The following GPR137C variants were observed in gnomAD, a reference collection of about 807,000 sequenced individuals.
GPR137C encodes G protein-coupled receptor 137C, also known as integral membrane protein GPR137C.
Under a neutral mutation model 43.4 loss-of-function variants are expected in GPR137C, and 27 were observed. The ratio of observed to expected loss-of-function variants is 0.62; its 90% CI spans 0.46 to 0.86. GPR137C has a LOEUF of 0.86. GPR137C is among the 40% of genes least tolerant of loss of function. The pLI is 0.00. For missense variants in GPR137C, 522 were observed against 534.6 expected, an observed-to-expected ratio of 0.98 and a Z score of 0.23; for synonymous variants, 285 against 226.9, an observed-to-expected ratio of 1.26 and a Z score of -2.30.
chr14:52,601,855 A>G (rs1485151938), intron 3 of GPR137C, among the ~76,000 whole-genome samples: 1 of 151,952 alleles, frequency 6.6e-6, no homozygotes, highest in Non-Finnish European at 1.5e-5. Flanking sequence ...CTCGCTTTGA[A>G]ATAGATAATA....
At chr14:52,590,050 G>T (rs2038762220) in intron 1 of GPR137C, among the ~76,000 whole-genome samples, 1 of 152,046 alleles carries the variant, frequency 6.6e-6, no homozygotes. Flanking sequence ...CCAGAAGAAG[G>T]CACTGTTATC....
At position 52,600,330 on chromosome 14, in the gene GPR137C, C is replaced by T; in HGVS notation, c.706C>T (p.Leu236Phe). Residue 236 changes from leucine (L) to phenylalanine (F), a missense_variant, in exon 3 of 7, where the codon CTC (leucine) becomes TTC (phenylalanine). Physicochemically the swap from Leu to Phe is conservative, Grantham distance 22 (BLOSUM62 0). Transcript: ENST00000321662. ...ITKMSSANVY[L>F]ESKGMSLCQT... ...AAAAATGTCATCAGCTAATGTCTAC[C>T]TCGAATCAAAGGTAAGAATATTTCT... 1.9e-6 allele frequency: 3 copies of T among 1,571,234 alleles called. No homozygotes were observed. The highest frequency in any genetic ancestry group is 2.6e-6 in the Non-Finnish European group (3 of 1,144,508).
At position 52,594,674 on chromosome 14, in the gene GPR137C, A is replaced by G. The variant is rs1012388284; in HGVS notation, c.445-3598A>G. On this transcript the variant is annotated intron_variant, in intron 1 of 6. Coordinates refer to ENST00000321662, the MANE Select transcript of GPR137C (RefSeq NM_001099652.2). ...TTTTTGCTTTCCATTTGCTTGGTAG[A>G]TCTTCCTCCATCCCTTTTTTTTGAG... Among the ~76,000 whole-genome samples, 3 of 152,078 alleles carry G rather than the reference A, an allele frequency of 2.0e-5. No homozygotes were observed. In the South Asian group the frequency reaches 6.2e-4, roughly 32 times the overall value.
At chr14:52,577,799 C>CAAAAAAA (rs564080315) in intron 1 of GPR137C, among the ~76,000 whole-genome samples, 1 of 104,216 alleles carries the variant, frequency 9.6e-6, no homozygotes. Flanking sequence ...ACCATCTCTA[C>CAAAAAAA]AAAAAAAAAA....
chr14:52,598,179 A>G, intron 1 of GPR137C, 93 bp from the exon 2 acceptor site: 1 of 488,190 alleles, frequency 2.0e-6, no homozygotes. Context: ...TATGTTATTT[A>G]TAGTGGTAGC....
chr14:52,571,770 T>G (rs1215583450), intron 1 of GPR137C, among the ~76,000 whole-genome samples: 2 of 151,478 alleles, frequency 1.3e-5, no homozygotes, highest in African/African-American at 4.9e-5. Flanking sequence ...CTGAAGGAGA[T>G]AGAGATACGA....
intron 3 of GPR137C, chr14:52,612,668 TCTC>T (rs1318005623): frequency 4.5e-6 from 1 of 224,700 alleles, no homozygotes; most frequent in Non-Finnish European, 7.4e-6. Flanking sequence ...CTTATGTAAT[TCTC>T]CTACCTCAGC....
intron 1 of GPR137C, among the ~76,000 whole-genome samples, chr14:52,577,934 C>A (rs2038587731): frequency 6.6e-6 from 1 of 152,044 alleles, no homozygotes; most frequent in Non-Finnish European, 1.5e-5. Context: ...CACTGCGTTC[C>A]AGCCTGGGTA....
intron 3 of GPR137C, among the ~76,000 whole-genome samples, chr14:52,623,726 G>A (rs751531071): frequency 2.7e-4 from 41 of 151,718 alleles, no homozygotes; most frequent in Admixed American, 1.4e-3. Context: ...TTCATTTGAC[G>A]TAGATTCCTC....
chr14:52,600,366 C>T (rs2038909754), intron 3 of GPR137C, 25 bp downstream of exon 3: 1 of 1,277,212 alleles, frequency 7.8e-7, no homozygotes, highest in East Asian at 2.4e-5. Flanking sequence ...TAAATTGGCA[C>T]TTGAAAATCT....
At chr14:52,583,880 T>C (rs1309324227) in intron 1 of GPR137C, among the ~76,000 whole-genome samples, 1 of 152,200 alleles carries the variant, frequency 6.6e-6, no homozygotes, top group Non-Finnish European at 1.5e-5. Context: ...TTCATTTCTA[T>C]TTGAGCCACC....
intron 1 of GPR137C, among the ~76,000 whole-genome samples, chr14:52,588,107 A>G (rs1182424884): frequency 6.6e-6 from 1 of 152,210 alleles, no homozygotes; most frequent in African/African-American, 2.4e-5. Flanking sequence ...GTGGAAAAGC[A>G]CTATAAATAC....
chr14:52,558,820 A>G (rs2038234788), intron 1 of GPR137C, among the ~76,000 whole-genome samples: 1 of 152,210 alleles, frequency 6.6e-6, no homozygotes, highest in African/African-American at 2.4e-5. Context: ...ACAGTTAAAA[A>G]GAAATAAGTG....
chr14:52,567,213 G>T (rs936113894), intron 1 of GPR137C, among the ~76,000 whole-genome samples: 1 of 152,152 alleles, frequency 6.6e-6, no homozygotes, highest in African/African-American at 2.4e-5. Flanking sequence ...CCTTAAGTGC[G>T]TAACTTCTCT....
chr14:52,593,666 C>T (rs1248115848), intron 1 of GPR137C, among the ~76,000 whole-genome samples: 5 of 152,078 alleles, frequency 3.3e-5, no homozygotes, highest in South Asian at 4.1e-4. Flanking sequence ...TCTGTGGGAT[C>T]GGCGATGATA....
At chr14:52,553,710 CCT>C in intron 1 of GPR137C, 119 bp downstream of exon 1, 1 of 817,236 alleles carries the variant, frequency 1.2e-6, no homozygotes, top group Non-Finnish European at 1.9e-6. Flanking sequence ...TGGAAACCAG[CCT>C]GGGGAAACTG....
At chr14:52,564,419 C>T (rs1364368232) in intron 1 of GPR137C, among the ~76,000 whole-genome samples, 3 of 152,030 alleles carry the variant, frequency 2.0e-5, no homozygotes. Context: ...CTCACCATTC[C>T]AGCCACATTA....
chr14:52,600,390 T>C, intron 3 of GPR137C, 49 bp downstream of exon 3: 1 of 925,420 alleles, frequency 1.1e-6, no homozygotes. Flanking sequence ...TTCAAATTCT[T>C]ACCCTACTAA....
intron 3 of GPR137C, among the ~76,000 whole-genome samples, chr14:52,629,764 G>T (rs1270945790): frequency 6.6e-6 from 1 of 152,166 alleles, no homozygotes; most frequent in Non-Finnish European, 1.5e-5. Flanking sequence ...TTACATGTGT[G>T]TATACATTTG....
Sources: allele counts gnomAD v4.1 joint callset (sites outside exome capture counted in the v4.1 genomes callset), GRCh38; gene constraint gnomAD v4.1.1; transcripts MANE v1.5; gene names NCBI Gene and HGNC (gene_info 2026-07-23, HGNC 2026-07-21).